Variants in ZFAT observed in about 807,000 individuals in gnomAD.
ZFAT encodes zinc finger and AT-hook domain containing.
A neutral mutation model predicts 117.7 loss-of-function variants in ZFAT; 64 were observed. That is an observed-to-expected ratio of 0.54 (90% CI 0.44 to 0.67). The LOEUF (loss-of-function observed/expected upper bound fraction) is 0.67, where lower values mean the gene tolerates loss of function less well. ZFAT is among the 30% of genes least tolerant of loss of function. The pLI is 0.00. For missense variants in ZFAT, 1,433 were observed against 1,584.5 expected, an observed-to-expected ratio of 0.90 and a Z score of 1.62; for synonymous variants, 679 against 615.0, an observed-to-expected ratio of 1.10 and a Z score of -1.54.
At chr8:134,566,659 C>T (rs955920442) in intron 10 of ZFAT, among the ~76,000 whole-genome samples, 2 of 152,166 alleles carry the variant, frequency 1.3e-5, no homozygotes, top group South Asian at 4.1e-4. Flanking sequence ...GGCTGAGTTC[C>T]CAGAAGTGCT....
chr8:134,682,619 C>G (rs945461322), intron 1 of ZFAT, among the ~76,000 whole-genome samples: 1 of 152,162 alleles, frequency 6.6e-6, no homozygotes, highest in African/African-American at 2.4e-5. Context: ...TGTGCCATTG[C>G]ACTCCATTGT....
intron 1 of ZFAT, among the ~76,000 whole-genome samples, chr8:134,678,219 C>T (rs1832899840): frequency 6.6e-6 from 1 of 152,206 alleles, no homozygotes; most frequent in South Asian, 2.1e-4. Flanking sequence ...CCCAAAATCT[C>T]CTTAAGCTGA....
In ZFAT at chr8:134,637,586, C is replaced by T; in HGVS notation, c.323G>A (p.Gly108Glu). Residue 108 changes from glycine to glutamate, a missense_variant, in exon 3 of 16, where the codon GGG becomes GAG. Coordinates refer to ENST00000377838, the MANE Select transcript of ZFAT (RefSeq NM_020863.4). ...TEDSPLAPEE[G>E]NSLPPSSLEC... Reference sequence around the variant, plus strand: ...CAAGCTGCTTGGAGGCAGGCTGTTCCCTTCCTCCGGAGCCAGCGGGCTGTC... The same window carrying T: ...CAAGCTGCTTGGAGGCAGGCTGTTCTCTTCCTCCGGAGCCAGCGGGCTGTC... 1 of 1,614,236 alleles carries T rather than the reference C, an allele frequency of 6.2e-7. No individual in the cohort carries two copies. Among genetic ancestry groups the T allele is most frequent in the Non-Finnish European group, 8.5e-7 (1 of 1,180,034 alleles).
At chr8:134,619,653 G>T (rs550408532) in intron 3 of ZFAT, among the ~76,000 whole-genome samples, 14 of 152,326 alleles carry the variant, frequency 9.2e-5, no homozygotes, top group African/African-American at 3.1e-4. Flanking sequence ...AGTGGGGAAA[G>T]ACAGGAAGGG....
intron 1 of ZFAT, among the ~76,000 whole-genome samples, chr8:134,658,113 G>A (rs149539397): frequency 0.019 from 2,968 of 152,278 alleles, 45 homozygotes; most frequent in Non-Finnish European, 0.027. Flanking sequence ...CGAGGCGGGC[G>A]GAGCACAAGG....
chr8:134,638,577 A>AAAAAAAAAAAAAAAAAAC (rs1563711829), intron 2 of ZFAT, among the ~76,000 whole-genome samples: 1 of 142,924 alleles, frequency 7.0e-6, no homozygotes, highest in African/African-American at 2.6e-5. Flanking sequence ...AAAAAAAAAA[A>AAAAAAAAAAAAAAAAAAC]CATTAACCAG....
the ZFAT span, among the ~76,000 whole-genome samples, chr8:134,729,419 C>CAGTG: frequency 6.6e-6 from 1 of 152,218 alleles, no homozygotes; most frequent in Non-Finnish European, 1.5e-5. Context: ...GCAAGCTCTG[C>CAGTG]CTCCCAGGTT....
At chr8:134,545,110 T>C (rs1822590179) in intron 11 of ZFAT, among the ~76,000 whole-genome samples, 1 of 152,250 alleles carries the variant, frequency 6.6e-6, no homozygotes, top group African/African-American at 2.4e-5. Context: ...GGTGGACTCA[T>C]GTTTCACACA....
intron 3 of ZFAT, among the ~76,000 whole-genome samples, chr8:134,619,985 CAG>C (rs1465254771): frequency 1.3e-5 from 2 of 152,142 alleles, no homozygotes; most frequent in Non-Finnish European, 1.5e-5. Flanking sequence ...AGAAAGAGTG[CAG>C]AGAGGAACCA....
the ZFAT span, chr8:134,785,819 TA>T: frequency 6.6e-6 from 1 of 151,802 alleles, no homozygotes; most frequent in African/African-American, 2.4e-5. Flanking sequence ...ACATTCAGGT[TA>T]GGTTGATTAA....
At chr8:134,669,265 C>T (rs1832425744) in intron 1 of ZFAT, among the ~76,000 whole-genome samples, 1 of 152,174 alleles carries the variant, frequency 6.6e-6, no homozygotes, top group African/African-American at 2.4e-5. Flanking sequence ...CACAAAGATA[C>T]TCCTCAAGAA....
chr8:134,629,671 C>T (rs1829754722), intron 3 of ZFAT, among the ~76,000 whole-genome samples: 1 of 152,164 alleles, frequency 6.6e-6, no homozygotes, highest in Non-Finnish European at 1.5e-5. Flanking sequence ...TCTCTCCTGC[C>T]ACCATATAAA....
chr8:134,672,070 G>A (rs1832587048), intron 1 of ZFAT, among the ~76,000 whole-genome samples: 2 of 152,192 alleles, frequency 1.3e-5, no homozygotes, highest in South Asian at 2.1e-4. Context: ...CCTCTTCAAG[G>A]AGAACTACAA....
chr8:134,545,414 A>G lies in ZFAT; in HGVS notation c.2977-12442T>C, dbSNP rs1822618197. ...TCCTCCTGGTAGTCCCAGCTAGTCCAGGAGCCAAGGTGAGAGGATCCCTGG... is the reference window on the plus strand; with the variant it reads ...TCCTCCTGGTAGTCCCAGCTAGTCCGGGAGCCAAGGTGAGAGGATCCCTGG... On this transcript the variant is annotated intron_variant, in intron 11 of 15. Coordinates refer to ENST00000377838, the MANE Select transcript of ZFAT (RefSeq NM_020863.4). Among the ~76,000 whole-genome samples, 6 of 152,228 alleles carry G rather than the reference A, an allele frequency of 3.9e-5. No individual in the cohort carries two copies. In the South Asian group the frequency reaches 1.2e-3, roughly 32 times the overall value.
chr8:134,661,718 C>T (rs1269740539), intron 1 of ZFAT, among the ~76,000 whole-genome samples: 1 of 152,154 alleles, frequency 6.6e-6, no homozygotes, highest in East Asian at 1.9e-4. Flanking sequence ...GCCAAGCAGG[C>T]ATGACACCAT....
At chr8:134,783,044 TTTC>T in the ZFAT span, among the ~76,000 whole-genome samples, 2 of 152,150 alleles carry the variant, frequency 1.3e-5, no homozygotes, top group Non-Finnish European at 2.9e-5. Flanking sequence ...CCTTTGTGAT[TTTC>T]TTAATGCATA....
At chr8:134,797,525 T>C in the ZFAT span, 1 of 152,138 alleles carries the variant, frequency 6.6e-6, no homozygotes, top group Non-Finnish European at 1.5e-5. Flanking sequence ...CTGAACATTT[T>C]TTAAGGAATG....
chr8:134,616,191 A>G lies in ZFAT; in HGVS notation c.449-5536T>C, dbSNP rs184592276. 6.0e-4 allele frequency among the ~76,000 whole-genome samples: 92 copies of G among 152,324 alleles called. 1 individual carries two copies. The highest frequency in any genetic ancestry group is 6.5e-4 in the Admixed American group (10 of 15,308). ...CAGCCCTGAACCCAGCTCTCTCAAC[A>G]GCCACATGACTGTGTGTTTCTCATC... On this transcript the variant is annotated intron_variant, in intron 3 of 15. Transcript: ENST00000377838.
the ZFAT span, among the ~76,000 whole-genome samples, chr8:134,808,387 C>G: frequency 1.3e-5 from 2 of 152,222 alleles, no homozygotes; most frequent in Non-Finnish European, 2.9e-5. Context: ...AGCACTTACT[C>G]TTTTGCCTTT....
Sources: gnomAD v4.1 joint callset for allele counts (sites outside exome capture counted in the v4.1 genomes callset) on GRCh38, gnomAD v4.1.1 for gene constraint, MANE v1.5 for transcripts, NCBI Gene and HGNC (gene_info 2026-07-23, HGNC 2026-07-21) for gene names.